Variants in ATP2B2 observed in about 807,000 individuals in gnomAD.
The protein encoded by ATP2B2 is ATPase plasma membrane Ca2+ transporting 2.
ATP2B2 carries 15 observed loss-of-function variants against 120.0 expected under a neutral mutation model. The ratio of observed to expected loss-of-function variants is 0.12; its 90% CI spans 0.08 to 0.19. ATP2B2 has a LOEUF of 0.19. Ranked by LOEUF, ATP2B2 falls within the 10% of genes least tolerant of loss-of-function variation. The pLI is 1.00. For missense variants in ATP2B2, 1,045 were observed against 1,719.8 expected (o/e 0.61, Z 6.94); for synonymous variants, 694 against 700.3 (o/e 0.99, Z 0.14).
intron 11 of ATP2B2, among the ~76,000 whole-genome samples, chr3:10,372,624 A>G (rs1036719593): frequency 3.9e-5 from 6 of 152,254 alleles, no homozygotes; most frequent in Non-Finnish European, 7.3e-5. Flanking sequence ...TATCACTTGC[A>G]TAATAAAAAC....
At chr3:10,339,686 G>A (rs140436328) in intron 21 of ATP2B2, among the ~76,000 whole-genome samples, 14 of 152,356 alleles carry the variant, frequency 9.2e-5, no homozygotes, top group Non-Finnish European at 7.3e-5. Flanking sequence ...CACAGGCACA[G>A]CACTGAGTAA....
At chr3:10,636,479 G>A (rs1021741477) in intron 1 of ATP2B2, among the ~76,000 whole-genome samples, 3 of 152,126 alleles carry the variant, frequency 2.0e-5, no homozygotes, top group Admixed American at 6.5e-5. Context: ...TTGTTCTAAC[G>A]ATCAAACTGT....
At chr3:10,661,972 C>T (rs1308857501) in intron 1 of ATP2B2, among the ~76,000 whole-genome samples, 3 of 152,138 alleles carry the variant, frequency 2.0e-5, no homozygotes, top group East Asian at 1.9e-4. Context: ...TGATCTTTGA[C>T]AAACCTGACA....
intron 1 of ATP2B2, among the ~76,000 whole-genome samples, chr3:10,684,524 T>A (rs6442200): frequency 0.87 from 132,406 of 152,288 alleles, 57,852 homozygotes; most frequent in African/African-American, 0.97. Flanking sequence ...CCCTCAAAGG[T>A]TTCACAAATT....
intron 2 of ATP2B2, among the ~76,000 whole-genome samples, chr3:10,435,698 G>C (rs2063459203): frequency 6.6e-6 from 1 of 152,144 alleles, no homozygotes; most frequent in Admixed American, 6.5e-5. Flanking sequence ...TGGAGAAGGT[G>C]GGAGGGGTTG....
At chr3:10,591,642 CA>C (rs541351106) in intron 2 of ATP2B2, among the ~76,000 whole-genome samples, 220 of 152,326 alleles carry the variant, frequency 1.4e-3, no homozygotes, top group Non-Finnish European at 2.5e-3. Flanking sequence ...CTGTTTTCCT[CA>C]ATGGCTGTAA....
intron 5 of ATP2B2, among the ~76,000 whole-genome samples, chr3:10,391,435 A>G (rs1575099020): frequency 6.6e-6 from 1 of 152,024 alleles, no homozygotes; most frequent in Admixed American, 6.5e-5. Flanking sequence ...GCTGCTCCCC[A>G]CCTCCCAACC....
chr3:10,678,482 G>T (rs4234504), intron 1 of ATP2B2, among the ~76,000 whole-genome samples: 131,841 of 152,222 alleles, frequency 0.87, 57,358 homozygotes, highest in African/African-American at 0.96. Flanking sequence ...GTTTGTTTGT[G>T]GGGGACCAAG....
At chr3:10,647,217 G>A (rs1453902373) in intron 1 of ATP2B2, among the ~76,000 whole-genome samples, 3 of 152,144 alleles carry the variant, frequency 2.0e-5, no homozygotes, top group African/African-American at 7.2e-5. Flanking sequence ...GGCATGACTG[G>A]CAGGGAAATG....
At chr3:10,384,199 G>T (rs2061608107) in intron 8 of ATP2B2, among the ~76,000 whole-genome samples, 1 of 152,224 alleles carries the variant, frequency 6.6e-6, no homozygotes, top group Admixed American at 6.5e-5. Flanking sequence ...GAGGTCTAGG[G>T]CAGGGGATGG....
At chr3:10,543,706 C>G (rs1291518285) in intron 2 of ATP2B2, among the ~76,000 whole-genome samples, 1 of 150,966 alleles carries the variant, frequency 6.6e-6, no homozygotes, top group East Asian at 1.9e-4. Flanking sequence ...GAGATATAAC[C>G]TACACAATCA....
chr3:10,359,680 C>T (rs908314485), intron 13 of ATP2B2, among the ~76,000 whole-genome samples: 2 of 152,200 alleles, frequency 1.3e-5, no homozygotes, highest in African/African-American at 4.8e-5. Flanking sequence ...AACACAGTGG[C>T]CAAGGGGCAT....
rs529732576 is a variant in ATP2B2 at position 10,459,961 on chromosome 3, C to A, written c.-319-10099G>T. 4.6e-5 allele frequency among the ~76,000 whole-genome samples: 7 copies of A among 152,376 alleles called. No homozygotes were observed. The South Asian group carries it at 1.5e-3, about 32-fold the overall frequency. ...ACCCTTCTGTCCAGCAGACCAACTT[C>A]TTTGCCGTTTTTCCTTTCTGGTTTC... On this transcript the variant is annotated intron_variant, in intron 1 of 22. Transcript: ENST00000360273.
intron 2 of ATP2B2, among the ~76,000 whole-genome samples, chr3:10,552,254 G>A (rs2067686047): frequency 6.6e-6 from 1 of 152,240 alleles, no homozygotes; most frequent in Non-Finnish European, 1.5e-5. Flanking sequence ...CCCCTGTGGA[G>A]CTACTCTGTA....
intron 1 of ATP2B2, among the ~76,000 whole-genome samples, chr3:10,707,736 G>A (rs1051828355): frequency 1.3e-5 from 2 of 151,176 alleles, no homozygotes; most frequent in African/African-American, 4.9e-5. Context: ...CTGCTGACAA[G>A]GCGCCTGCCT....
chr3:10,553,964 T>C (rs1328202204), intron 2 of ATP2B2, among the ~76,000 whole-genome samples: 1 of 136,322 alleles, frequency 7.3e-6, no homozygotes, highest in Non-Finnish European at 1.5e-5. Context: ...CAAGAGATTA[T>C]AATGAGCAGG....
intron 1 of ATP2B2, among the ~76,000 whole-genome samples, chr3:10,462,240 TCTC>T (rs1264428662): frequency 1.3e-5 from 2 of 152,124 alleles, no homozygotes; most frequent in African/African-American, 4.8e-5. Flanking sequence ...CTCTCCTAAG[TCTC>T]CTCATTCTTT....
chr3:10,473,828 TGA>T lies in ATP2B2; in HGVS notation c.-319-23968_-319-23967del, dbSNP rs376161279. ...AAGGCCACGTGGCTGGGGCTTGTGA[TGA>T]GAGAGAATCAGGCAAAGTGAGTTCA... On this transcript the variant is annotated intron_variant, in intron 1 of 22. Coordinates refer to ENST00000360273, the MANE Select transcript of ATP2B2 (RefSeq NM_001001331.4). Among the ~76,000 whole-genome samples the T allele has an allele frequency of 3.0e-4, 45 of 152,256 alleles. 1 individual carries two copies. In the East Asian group the frequency reaches 8.3e-3, roughly 28 times the overall value.
chr3:10,419,753 C>T (rs538589152), intron 2 of ATP2B2, among the ~76,000 whole-genome samples: 29 of 152,300 alleles, frequency 1.9e-4, no homozygotes, highest in South Asian at 8.3e-4. Flanking sequence ...GGAAGGCAGC[C>T]GAGCCAGGCC....
Sources: gnomAD v4.1 joint callset for allele counts (sites outside exome capture counted in the v4.1 genomes callset) on GRCh38, gnomAD v4.1.1 for gene constraint, MANE v1.5 for transcripts, NCBI Gene and HGNC (gene_info 2026-07-23, HGNC 2026-07-21) for gene names.